NAMPT: variants seen among roughly 807,000 people sequenced by gnomAD.
The protein encoded by NAMPT is nicotinamide phosphoribosyltransferase.
In NAMPT, 7 loss-of-function variants were observed where a neutral mutation model predicts 58.7. That is an observed-to-expected ratio of 0.12 (90% CI 0.07 to 0.22). The LOEUF is 0.22. Ranked by LOEUF, NAMPT falls within the 10% of genes least tolerant of loss-of-function variation. The probability of loss-of-function intolerance (pLI) is 1.00; values close to 1 mark genes in which losing one functional copy is unlikely to be tolerated. For synonymous variants in NAMPT, 145 were observed against 198.1 expected (o/e 0.73, Z 2.25); for missense variants, 271 against 567.9 (o/e 0.48, Z 5.31).
upstream of NAMPT, chr7:106,285,052 G>A: frequency 7.4e-7 from 1 of 1,357,918 alleles, no homozygotes; most frequent in Admixed American, 2.8e-5. Context: ...GGGCGGGCCC[G>A]GGAGCCGTGA....
chr7:106,271,822 A>C (rs1216636180), intron 4 of NAMPT: 1 of 154,080 alleles, frequency 6.5e-6, no homozygotes, highest in African/African-American at 2.4e-5. Context: ...ACCAGATAGT[A>C]AGGTGTTATT....
chr7:106,268,251 A>C, intron 6 of NAMPT: 1 of 391,912 alleles, frequency 2.6e-6, no homozygotes, highest in African/African-American at 2.1e-5. Context: ...TATTGGAAAA[A>C]AGCTCTTAAA....
At chr7:106,251,853 G>T (rs1792109707) in intron 10 of NAMPT, among the ~76,000 whole-genome samples, 1 of 151,964 alleles carries the variant, frequency 6.6e-6, no homozygotes, top group Non-Finnish European at 1.5e-5. Flanking sequence ...ATTCCCTTTG[G>T]GTCTGGTAGA....
intron 6 of NAMPT, among the ~76,000 whole-genome samples, chr7:106,267,852 A>C (rs1792450234): frequency 9.1e-6 from 1 of 109,760 alleles, no homozygotes; most frequent in Admixed American, 9.4e-5. Flanking sequence ...AAAAAAAAAA[A>C]AAAAAAAAAA....
chr7:106,264,580 C>CAGATTTTGGAGCATTTTGGATTT (rs1236828053), intron 6 of NAMPT, among the ~76,000 whole-genome samples: 2 of 151,962 alleles, frequency 1.3e-5, no homozygotes, highest in Non-Finnish European at 2.9e-5. Context: ...CAAAAAGTTT[C>CAGATTTTGGAGCATTTTGGATTT]AGATTTTGGA....
chr7:106,252,887 A>G (rs1390429158), intron 10 of NAMPT, 130 bp downstream of exon 10: 2 of 1,172,872 alleles, frequency 1.7e-6, no homozygotes, highest in African/African-American at 3.1e-5. Context: ...CAGGTCAGCA[A>G]TTGGACATTT....
In NAMPT at chr7:106,261,681, A is replaced by G. The variant is rs773565789; in HGVS notation, c.996T>C (p.Phe332=). 2 of 1,604,370 alleles carry G rather than the reference A, an allele frequency of 1.2e-6. No individual in the cohort carries two copies. Among genetic ancestry groups the G allele is most frequent in the Non-Finnish European group, 1.7e-6 (2 of 1,171,392 alleles). The change falls in exon 8 of 11, where the codon TTT becomes TTC. Residue 332 remains phenylalanine (F), a synonymous_variant. Transcript: ENST00000222553. ...AACCCTTTGAGTTCTCAGTAACAGGAAACTTCTTACCTAAAATCTCCAAAA... is the reference window on the plus strand; with the variant it reads ...AACCCTTTGAGTTCTCAGTAACAGGGAACTTCTTACCTAAAATCTCCAAAA... ...LKVLEILGKK[F]PVTENSKGYK...
intron 3 of NAMPT, among the ~76,000 whole-genome samples, chr7:106,272,903 A>G (rs529743231): frequency 2.0e-5 from 3 of 152,194 alleles, no homozygotes. Context: ...TGCTAAGAAC[A>G]TTTATCACTA....
chr7:106,276,865 A>T, intron 2 of NAMPT, 158 bp downstream of exon 2: 8 of 597,630 alleles, frequency 1.3e-5, no homozygotes, highest in Non-Finnish European at 1.4e-5. Flanking sequence ...AAAACCTTTT[A>T]TTTCAGAAAA....
intron 1 of NAMPT, among the ~76,000 whole-genome samples, chr7:106,279,664 T>G (rs1457053387): frequency 6.6e-6 from 1 of 152,188 alleles, no homozygotes. Context: ...CACAAATACA[T>G]ACTCTGTACC....
At position 106,249,133 on chromosome 7, in the gene NAMPT, A is replaced by C. The variant is rs2115705434; in HGVS notation, c.*1950T>G. The stretch of plus-strand genomic sequence containing the variant: ...CGCCCCTTAGCACATTTTGTGAAGA[A>C]ATGTGTGTTTTTCTTAATACTACTC... On this transcript the variant is annotated 3_prime_UTR_variant, in exon 11 of 11. Coordinates refer to ENST00000222553, the MANE Select transcript of NAMPT (RefSeq NM_005746.3). 1 of 152,434 alleles carries C rather than the reference A, an allele frequency of 6.6e-6. No individual in the cohort carries two copies. The highest frequency in any genetic ancestry group is 3.4e-3 in the Middle Eastern group (1 of 294). The allele number at this position is 152,434 out of a possible 1,614,324, so 9.4% of individuals were successfully genotyped here.
chr7:106,268,253 G>C (rs963444528), intron 6 of NAMPT: 14 of 395,826 alleles, frequency 3.5e-5, no homozygotes, highest in Admixed American at 8.2e-5. Flanking sequence ...TTGGAAAAAA[G>C]CTCTTAAACT....
chr7:106,285,152 C>A, upstream of NAMPT: 1 of 1,265,300 alleles, frequency 7.9e-7, no homozygotes, highest in Non-Finnish European at 1.0e-6. Context: ...GCCTTCACCC[C>A]GTCACCCTCC....
In NAMPT at chr7:106,249,907, G is replaced by C. The variant is rs1315898979; in HGVS notation, c.*1176C>G. 2 of 151,972 alleles carry C rather than the reference G, an allele frequency of 1.3e-5. No homozygotes were observed. The highest frequency in any genetic ancestry group is 4.8e-5 in the African/African-American group (2 of 41,412). The allele number at this position is 151,972 out of a possible 1,614,324, so 9.4% of individuals were successfully genotyped here. A position where few individuals can be genotyped will look rare whatever the true frequency, so the allele number is the denominator to read the frequency against. On this transcript the variant is annotated 3_prime_UTR_variant, in exon 11 of 11. Coordinates refer to ENST00000222553, the MANE Select transcript of NAMPT (RefSeq NM_005746.3). ...AGAACATTTTGATGTCAAGCACTTT[G>C]AATTTAGCCAACTTAAGATTCTTCT...
chr7:106,265,943 ATAGAGTTCTCTTATTT>A (rs1292186877), intron 6 of NAMPT, among the ~76,000 whole-genome samples: 1 of 152,244 alleles, frequency 6.6e-6, no homozygotes, highest in Non-Finnish European at 1.5e-5. Context: ...CTCTAAATTT[ATAGAGTTCTCTTATTT>A]TAAAGTTATT....
upstream of NAMPT, chr7:106,285,047 G>A: frequency 1.5e-6 from 2 of 1,360,972 alleles, no homozygotes; most frequent in South Asian, 3.2e-5. Flanking sequence ...GAGGAGGGCG[G>A]GCCCGGGAGC....
chr7:106,269,070 C>A, intron 5 of NAMPT, 84 bp downstream of exon 5: 1 of 1,301,124 alleles, frequency 7.7e-7, no homozygotes, highest in East Asian at 2.3e-5. Flanking sequence ...CAAGATCAAT[C>A]TCAATAACGT....
At chr7:106,276,092 T>A (rs1792632657) in intron 2 of NAMPT, 2 of 152,214 alleles carry the variant, frequency 1.3e-5, no homozygotes, top group African/African-American at 2.4e-5. Flanking sequence ...AATAATTACT[T>A]CTGATATCTA....
In NAMPT at chr7:106,277,118, C is replaced by G; in HGVS notation, c.119G>C (p.Arg40Pro). ...TSKVYSYFEC[R>P]EKKTENSKLR... ...TTTGGAGTTTTCTGTCTTCTTTTCA[C>G]GGCATTCAAAGTAGGAATAAACTTT... The change falls in exon 2 of 11, where the codon CGT becomes CCT. Residue 40 changes from arginine (R) to proline (P), a missense_variant. Coordinates refer to ENST00000222553, the MANE Select transcript of NAMPT (RefSeq NM_005746.3). 1 of 1,609,888 alleles carries G rather than the reference C, an allele frequency of 6.2e-7. No homozygotes were observed. The highest frequency in any genetic ancestry group is 8.5e-7 in the Non-Finnish European group (1 of 1,176,430).
Sources: gnomAD v4.1 joint callset for allele counts (sites outside exome capture counted in the v4.1 genomes callset) on GRCh38, gnomAD v4.1.1 for gene constraint, MANE v1.5 for transcripts, NCBI Gene and HGNC (gene_info 2026-07-23, HGNC 2026-07-21) for gene names.